Variants in CNTLN observed in about 807,000 individuals in gnomAD.
The protein encoded by CNTLN is centlein, also known as centlein, centrosomal protein.
In CNTLN, 212 loss-of-function variants were observed where a neutral mutation model predicts 180.0. The observed-to-expected ratio is 1.18, with a 90% CI of 1.05 to 1.32. CNTLN has a LOEUF of 1.32. CNTLN is among the 40% of genes most tolerant of loss of function. The pLI, the probability that CNTLN is intolerant of heterozygous loss-of-function variation, is 0.00. For synonymous variants in CNTLN, 722 were observed against 563.1 expected, an observed-to-expected ratio of 1.28 and a Z score of -3.99; for missense variants, 2,095 against 1,610.9, an observed-to-expected ratio of 1.30 and a Z score of -5.14.
At chr9:17,450,918 G>A (rs1830743581) in intron 18 of CNTLN, among the ~76,000 whole-genome samples, 1 of 151,920 alleles carries the variant, frequency 6.6e-6, no homozygotes, top group African/African-American at 2.4e-5. Flanking sequence ...AAATTTAAAA[G>A]TCTTACTTTT....
intron 13 of CNTLN, among the ~76,000 whole-genome samples, chr9:17,387,496 G>T (rs189825659): frequency 6.6e-6 from 1 of 151,906 alleles, no homozygotes; most frequent in Non-Finnish European, 1.5e-5. Context: ...TTTCTTTAAG[G>T]TTGTTAAGTT....
chr9:17,453,597 TCA>T (rs999512832), intron 18 of CNTLN, among the ~76,000 whole-genome samples: 1 of 152,170 alleles, frequency 6.6e-6, no homozygotes, highest in African/African-American at 2.4e-5. Flanking sequence ...ATTCGTTACC[TCA>T]CAGTGTCATT....
In CNTLN at chr9:17,487,531, A is replaced by G. The variant is rs114582033; in HGVS notation, c.4119+465A>G. Among the ~76,000 whole-genome samples the G allele has an allele frequency of 2.8e-3, 424 of 152,226 alleles. 3 individuals are homozygous for G. The highest frequency in any genetic ancestry group is 9.8e-3 in the African/African-American group (407 of 41,538). On this transcript the variant is annotated intron_variant, in intron 25 of 25. Coordinates refer to ENST00000380647, the MANE Select transcript of CNTLN (RefSeq NM_017738.4). ...TACTGTGTCTTCCCGCATTCTCTAC[A>G]ATATTTTCTACTGAGACCTCGAGCA...
At position 17,466,176 on chromosome 9, in the gene CNTLN, A is replaced by G. The variant is rs532810888; in HGVS notation, c.3669+58A>G. 1.5e-3 allele frequency: 2,195 copies of G among 1,465,314 alleles called. 38 individuals are homozygous for G. In the South Asian group the frequency reaches 0.025, roughly 17 times the overall value. The allele number at this position is 1,465,314 out of a possible 1,614,324, so 90.8% of individuals were successfully genotyped here. A position where few individuals can be genotyped will look rare whatever the true frequency, so the allele number is the denominator to read the frequency against. ...GATGGAATATAATCGTGTTTGTTTC[A>G]TTTTTAACATTGTTGCTTTTTCCTT... On this transcript the variant is annotated intron_variant, in intron 22 of 25. Coordinates refer to ENST00000380647, the MANE Select transcript of CNTLN (RefSeq NM_017738.4).
intron 13 of CNTLN, among the ~76,000 whole-genome samples, chr9:17,387,394 T>A (rs926344158): frequency 2.6e-5 from 4 of 152,186 alleles, no homozygotes; most frequent in Admixed American, 1.3e-4. Flanking sequence ...TAGTAAAATT[T>A]GTCATAGTAA....
chr9:17,347,440 G>A (rs1390367711), intron 12 of CNTLN, among the ~76,000 whole-genome samples: 1 of 152,036 alleles, frequency 6.6e-6, no homozygotes, highest in South Asian at 2.1e-4. Context: ...AGGCTTAGGC[G>A]GGCAGATCAC....
At chr9:17,264,798 A>C (rs1238570156) in intron 5 of CNTLN, among the ~76,000 whole-genome samples, 1 of 151,872 alleles carries the variant, frequency 6.6e-6, no homozygotes, top group Non-Finnish European at 1.5e-5. Flanking sequence ...TTCTCTTTGA[A>C]GCGATTGTGA....
chr9:17,525,113 G>T, the CNTLN span, among the ~76,000 whole-genome samples: 1 of 152,152 alleles, frequency 6.6e-6, no homozygotes, highest in Admixed American at 6.5e-5. Flanking sequence ...TATGGAAAAT[G>T]AGGCTCAGCT....
intron 25 of CNTLN, among the ~76,000 whole-genome samples, chr9:17,501,784 G>C (rs1564157536): frequency 6.6e-6 from 1 of 152,188 alleles, no homozygotes; most frequent in African/African-American, 2.4e-5. Flanking sequence ...CTATGTAGCT[G>C]AGAATAAGGA....
At chr9:17,277,423 C>G (rs189431009) in intron 6 of CNTLN, among the ~76,000 whole-genome samples, 1 of 152,054 alleles carries the variant, frequency 6.6e-6, no homozygotes, top group African/African-American at 2.4e-5. Context: ...CTGGTTTTCT[C>G]AGATGCTTAG....
chr9:17,375,482 C>G (rs1401567428), intron 13 of CNTLN, among the ~76,000 whole-genome samples: 1 of 152,168 alleles, frequency 6.6e-6, no homozygotes, highest in Non-Finnish European at 1.5e-5. Flanking sequence ...CTGTGTATCA[C>G]ATGTCATCTA....
At position 17,246,567 on chromosome 9, in the gene CNTLN, C is replaced by G. The variant is rs1219503985; in HGVS notation, c.849+9979C>G. On this transcript the variant is annotated intron_variant, in intron 5 of 25. Transcript: ENST00000380647. ...TGTGTGGTTTTTGCCTGTGTTTACTCAGGGACTAAGGACTCCACAATCAGC... is the reference window on the plus strand; with the variant it reads ...TGTGTGGTTTTTGCCTGTGTTTACTGAGGGACTAAGGACTCCACAATCAGC... 2.0e-5 allele frequency among the ~76,000 whole-genome samples: 3 copies of G among 152,262 alleles called. No individual in the cohort carries two copies. In the East Asian group the frequency reaches 5.8e-4, roughly 29 times the overall value.
chr9:17,366,768 A>G, intron 13 of CNTLN, 51 bp downstream of exon 13: 1 of 1,005,794 alleles, frequency 9.9e-7, no homozygotes, highest in Non-Finnish European at 1.5e-6. Context: ...AAATTGTGTA[A>G]TTCTTGATGT....
intron 2 of CNTLN, among the ~76,000 whole-genome samples, chr9:17,208,179 A>G (rs1036324680): frequency 1.2e-4 from 19 of 152,182 alleles, no homozygotes; most frequent in African/African-American, 3.4e-4. Flanking sequence ...TCCTGAAGCA[A>G]TGTTCAATTT....
In CNTLN at chr9:17,395,708, C is replaced by T. The variant is rs1587875817; in HGVS notation, c.2615+639C>T. On this transcript the variant is annotated intron_variant, in intron 15 of 25. Transcript: ENST00000380647. Reference sequence around the variant, plus strand: ...AGATTCCTAGTCTTAAGATATGTACCCCTAGTGAACAGCAACAGGAGGATA... The same window carrying T: ...AGATTCCTAGTCTTAAGATATGTACTCCTAGTGAACAGCAACAGGAGGATA... 3.3e-5 allele frequency among the ~76,000 whole-genome samples: 5 copies of T among 151,866 alleles called. No individual in the cohort carries two copies. The South Asian group carries it at 1.0e-3, about 32-fold the overall frequency.
intron 24 of CNTLN, among the ~76,000 whole-genome samples, chr9:17,485,252 A>G (rs886753934): frequency 7.2e-5 from 11 of 152,148 alleles, no homozygotes; most frequent in African/African-American, 1.2e-4. Context: ...TATTTGTTCA[A>G]TGATAGACTT....
chr9:17,361,742 G>A (rs971321112), intron 12 of CNTLN, among the ~76,000 whole-genome samples: 1 of 152,182 alleles, frequency 6.6e-6, no homozygotes, highest in Non-Finnish European at 1.5e-5. Flanking sequence ...GTGCTTTCAG[G>A]CAGAAATCGA....
At chr9:17,165,594 ACT>A (rs1820015849) in intron 2 of CNTLN, among the ~76,000 whole-genome samples, 1 of 131,074 alleles carries the variant, frequency 7.6e-6, no homozygotes, top group African/African-American at 3.5e-5. Context: ...GAGCATGTAG[ACT>A]CTCTGGTCCT....
At chr9:17,158,296 T>TGA (rs1316807416) in intron 2 of CNTLN, among the ~76,000 whole-genome samples, 1 of 152,200 alleles carries the variant, frequency 6.6e-6, no homozygotes, top group Admixed American at 6.5e-5. Context: ...TTTGGCTTGC[T>TGA]GGTATGTTGC....
Sources: allele counts gnomAD v4.1 joint callset (sites outside exome capture counted in the v4.1 genomes callset), GRCh38; gene constraint gnomAD v4.1.1; transcripts MANE v1.5; gene names NCBI Gene and HGNC (gene_info 2026-07-23, HGNC 2026-07-21).